The following SPOCK1 variants were observed in gnomAD, a reference collection of about 807,000 sequenced individuals.
SPOCK1 encodes the protein SPARC (osteonectin), cwcv and kazal like domains proteoglycan 1.
A neutral mutation model predicts 55.3 loss-of-function variants in SPOCK1; 23 were observed. That is an observed-to-expected ratio of 0.42 (90% CI 0.30 to 0.59). SPOCK1 has a LOEUF of 0.59. Among genes scored for constraint, SPOCK1 ranks in the 20% least tolerant of loss-of-function variants. The pLI is 0.22. For synonymous variants in SPOCK1, 226 were observed against 221.0 expected (o/e 1.02, Z -0.20); for missense variants, 499 against 552.5 (o/e 0.90, Z 0.97).
intron 3 of SPOCK1, among the ~76,000 whole-genome samples, chr5:137,247,121 C>T (rs561567629): frequency 2.0e-4 from 31 of 152,252 alleles, no homozygotes; most frequent in Admixed American, 3.3e-4. Context: ...GAAGAAACCA[C>T]GGAGGGAAGG....
At chr5:136,982,760 G>A (rs1442451609) in intron 9 of SPOCK1, among the ~76,000 whole-genome samples, 1 of 151,998 alleles carries the variant, frequency 6.6e-6, no homozygotes, top group East Asian at 1.9e-4. Flanking sequence ...TATTGCATCT[G>A]AATAGTTCTT....
intron 3 of SPOCK1, among the ~76,000 whole-genome samples, chr5:137,191,370 A>G (rs1457923732): frequency 1.3e-5 from 2 of 151,680 alleles, no homozygotes; most frequent in Non-Finnish European, 2.9e-5. Context: ...AGCAAACCAC[A>G]GGATCTCATA....
chr5:137,160,612 ATAATATATATTTTATATAATATATAAT>A (rs1754526702), intron 3 of SPOCK1, among the ~76,000 whole-genome samples: 1 of 83,298 alleles, frequency 1.2e-5, no homozygotes, highest in African/African-American at 4.7e-5. Context: ...TATATAATAT[ATAATATATATTTTATATAATATATAAT>A]ATATATTTTA....
chr5:137,355,776 C>T (rs199519249), intron 2 of SPOCK1, among the ~76,000 whole-genome samples: 1 of 152,176 alleles, frequency 6.6e-6, no homozygotes, highest in Non-Finnish European at 1.5e-5. Context: ...ATGCCTCCCC[C>T]TCTCCTTCTC....
chr5:137,385,663 G>A (rs1751584089), intron 2 of SPOCK1, among the ~76,000 whole-genome samples: 1 of 152,176 alleles, frequency 6.6e-6, no homozygotes, highest in Non-Finnish European at 1.5e-5. Context: ...GGTCCTCAGA[G>A]GTAGTGCTGA....
At chr5:137,333,736 G>A (rs1012362506) in intron 2 of SPOCK1, among the ~76,000 whole-genome samples, 4 of 152,116 alleles carry the variant, frequency 2.6e-5, no homozygotes, top group African/African-American at 9.7e-5. Flanking sequence ...CTGTAATCTG[G>A]TCAAAGCCGA....
intron 4 of SPOCK1, among the ~76,000 whole-genome samples, chr5:137,132,629 C>T (rs371656693): frequency 5.9e-5 from 9 of 152,248 alleles, no homozygotes; most frequent in East Asian, 3.9e-4. Flanking sequence ...GCTTCGCAGA[C>T]GCTTGACTTA....
At chr5:137,074,149 G>A (rs1053790445) in intron 5 of SPOCK1, among the ~76,000 whole-genome samples, 3 of 152,282 alleles carry the variant, frequency 2.0e-5, no homozygotes, top group South Asian at 4.1e-4. Context: ...GGGGCAGGTG[G>A]ATTATCATAC....
At chr5:137,101,368 G>A (rs865836077) in intron 5 of SPOCK1, among the ~76,000 whole-genome samples, 3 of 152,122 alleles carry the variant, frequency 2.0e-5, no homozygotes, top group East Asian at 1.9e-4. Flanking sequence ...AAGCATCTTC[G>A]TGTTCAGGTA....
At chr5:137,411,752 A>G (rs1334390208) in intron 2 of SPOCK1, among the ~76,000 whole-genome samples, 1 of 152,232 alleles carries the variant, frequency 6.6e-6, no homozygotes, top group Non-Finnish European at 1.5e-5. Flanking sequence ...CCCATCCTGC[A>G]AATGAGAGCA....
At chr5:137,256,550 C>T (rs747915245) in intron 3 of SPOCK1, among the ~76,000 whole-genome samples, 5 of 152,122 alleles carry the variant, frequency 3.3e-5, no homozygotes, top group Non-Finnish European at 7.4e-5. Context: ...TGGCTCCATT[C>T]GTGAGGGTGA....
chr5:137,176,114 G>C (rs1317646423), intron 3 of SPOCK1, among the ~76,000 whole-genome samples: 2 of 152,040 alleles, frequency 1.3e-5, no homozygotes, highest in East Asian at 3.9e-4. Flanking sequence ...TTAATCTAAG[G>C]CAACAACCAT....
chr5:137,280,474 A>G (rs1757149580), intron 2 of SPOCK1, among the ~76,000 whole-genome samples: 1 of 152,232 alleles, frequency 6.6e-6, no homozygotes, highest in African/African-American at 2.4e-5. Flanking sequence ...AATGCACTGA[A>G]AGAATACAAG....
chr5:137,485,012 A>G (rs1397470039), intron 2 of SPOCK1, among the ~76,000 whole-genome samples: 1 of 152,232 alleles, frequency 6.6e-6, no homozygotes, highest in African/African-American at 2.4e-5. Context: ...TAAAAATTTT[A>G]GTATTCAAAA....
intron 2 of SPOCK1, among the ~76,000 whole-genome samples, chr5:137,272,742 A>G (rs201963643): frequency 4.0e-5 from 1 of 25,028 alleles, no homozygotes; most frequent in Non-Finnish European, 8.0e-5. Context: ...CCACCCCCCC[A>G]CCCCCCAACA....
chr5:137,117,400 C>T (rs1319502942), intron 4 of SPOCK1, among the ~76,000 whole-genome samples: 1 of 152,214 alleles, frequency 6.6e-6, no homozygotes, highest in African/African-American at 2.4e-5. Context: ...AGCATTATAA[C>T]CTGTTCAGTC....
chr5:137,387,659 T>C (rs758943312), intron 2 of SPOCK1, among the ~76,000 whole-genome samples: 3 of 152,160 alleles, frequency 2.0e-5, no homozygotes, highest in African/African-American at 7.2e-5. Flanking sequence ...ACCCATAAAA[T>C]GCACAACACC....
intron 6 of SPOCK1, among the ~76,000 whole-genome samples, chr5:137,027,007 T>C (rs1751689664): frequency 6.6e-6 from 1 of 152,230 alleles, no homozygotes; most frequent in Non-Finnish European, 1.5e-5. Flanking sequence ...GAATAAAATC[T>C]TCATTCTAAA....
At chr5:137,494,405 C>T (rs1340184974) in intron 2 of SPOCK1, among the ~76,000 whole-genome samples, 2 of 152,156 alleles carry the variant, frequency 1.3e-5, no homozygotes, top group African/African-American at 4.8e-5. Context: ...AGTCAGATGG[C>T]ATAGTTCCAG....
Sources: gnomAD v4.1 joint callset for allele counts (sites outside exome capture counted in the v4.1 genomes callset) on GRCh38, gnomAD v4.1.1 for gene constraint, MANE v1.5 for transcripts, NCBI Gene and HGNC (gene_info 2026-07-23, HGNC 2026-07-21) for gene names.